SLC28A2: variants seen among roughly 807,000 people sequenced by gnomAD.
SLC28A2 encodes the protein solute carrier family 28 member 2.
Under a neutral mutation model 72.9 loss-of-function variants are expected in SLC28A2, and 69 were observed. The observed-to-expected ratio is 0.95, with a 90% CI of 0.78 to 1.16. The LOEUF (loss-of-function observed/expected upper bound fraction) is 1.16, where lower values mean the gene tolerates loss of function less well. Among genes scored for constraint, SLC28A2 ranks in the 50% most tolerant of loss-of-function variants. SLC28A2 has a pLI of 0.00. For synonymous variants in SLC28A2, 296 were observed against 294.1 expected (o/e 1.01, Z -0.07); for missense variants, 745 against 791.1 (o/e 0.94, Z 0.70).
intron 13 of SLC28A2, among the ~76,000 whole-genome samples, chr15:45,269,023 G>A (rs1438360304): frequency 1.7e-5 from 2 of 114,756 alleles, no homozygotes; most frequent in Non-Finnish European, 3.5e-5. Flanking sequence ...GTTGTGGGGT[G>A]GGGGGAGGGG....
chr15:45,261,205 G>T (rs1202875081), intron 3 of SLC28A2, among the ~76,000 whole-genome samples: 2 of 152,208 alleles, frequency 1.3e-5, no homozygotes, highest in East Asian at 1.9e-4. Flanking sequence ...AGCATACTTA[G>T]GAGTGGAAAA....
rs1900285802 is a variant in SLC28A2, at chr15:45,264,934, G to A, written c.703-155G>A. On this transcript the variant is annotated intron_variant, in intron 7 of 17. Transcript: ENST00000347644. ...ATACAGCTAAGAATATGAATAAAGA[G>A]CTCATGGGGACATAGCCTGCCCCTG... 6 of 734,910 alleles carry A rather than the reference G, an allele frequency of 8.2e-6. No homozygotes were observed. In the Admixed American group the frequency reaches 1.4e-4, roughly 17 times the overall value. 45.5% of individuals were successfully genotyped at this position (734,910 alleles called of 1,614,324 possible). A position where few individuals can be genotyped will look rare whatever the true frequency, so the allele number is the denominator to read the frequency against.
At chr15:45,272,250 C>A in intron 15 of SLC28A2, 45 bp from the exon 16 acceptor site, 1 of 1,532,182 alleles carries the variant, frequency 6.5e-7, no homozygotes. Context: ...TACCTGATTG[C>A]CTTGGTGGGG....
rs758052451 is a variant in SLC28A2 at position 45,272,716 on chromosome 15, C to A, written c.1791C>A (p.Ser597=). ...GGGGAGCTGAAGCTGACTGTGTCTC[C>A]TTCCCAAACACAAGTTTCACCAATA... The part of the protein sequence containing the change: ...VPRGAEADCV[S]FPNTSFTNRT... Residue 597 remains serine, a synonymous_variant, in exon 17 of 18, where the codon TCC becomes TCA. Coordinates refer to ENST00000347644, the MANE Select transcript of SLC28A2 (RefSeq NM_004212.4). 6.2e-7 allele frequency: 1 copy of A among 1,613,100 alleles called. No homozygotes were observed. The highest frequency in any genetic ancestry group is 2.2e-5 in the East Asian group (1 of 44,880).
At chr15:45,263,365 C>A in intron 5 of SLC28A2, 121 bp downstream of exon 5, 1 of 947,766 alleles carries the variant, frequency 1.1e-6, no homozygotes, top group Non-Finnish European at 1.5e-6. Flanking sequence ...AACCAAAGCG[C>A]AGAGAAAAAT....
Position 45,266,184 on chromosome 15 carries a change from G to A in SLC28A2, c.942+23G>A, listed in dbSNP as rs745603284. On this transcript the variant is annotated intron_variant, in intron 10 of 17. Transcript: ENST00000347644. ...ATGGTAAGCACCTTGAGGACTTTTG[G>A]TCTTCTTCCCTCTGAGGAACTGAGA... 4 of 1,546,284 alleles carry A rather than the reference G, an allele frequency of 2.6e-6. No individual in the cohort carries two copies. In the African/African-American group the frequency reaches 4.1e-5, roughly 16 times the overall value.
chr15:45,263,836 T>C (rs1900237982), intron 5 of SLC28A2, 45 bp from the exon 6 acceptor site: 1 of 1,567,390 alleles, frequency 6.4e-7, no homozygotes, highest in Non-Finnish European at 8.7e-7. Context: ...TTATTTGTTT[T>C]TCATTCACTG....
intron 16 of SLC28A2, 54 bp downstream of exon 16, chr15:45,272,447 GAAT>G: frequency 7.3e-7 from 1 of 1,367,182 alleles, no homozygotes; most frequent in Non-Finnish European, 1.0e-6. Flanking sequence ...ATGGTTGGAG[GAAT>G]AATATGAGGA....
chr15:45,257,361 C>A (rs1490953323), intron 3 of SLC28A2, among the ~76,000 whole-genome samples: 2 of 152,166 alleles, frequency 1.3e-5, no homozygotes, highest in African/African-American at 4.8e-5. Context: ...TATAGACTTA[C>A]ATGTATATTA....
At chr15:45,253,671 C>A in intron 3 of SLC28A2, 151 bp downstream of exon 3, 1 of 541,198 alleles carries the variant, frequency 1.8e-6, no homozygotes, top group South Asian at 2.8e-5. Context: ...AAACATGTGC[C>A]ATAAACTCCA....
rs549833736 is a variant in SLC28A2, at chr15:45,263,730, C to G, written c.447-151C>G. On this transcript the variant is annotated intron_variant, in intron 5 of 17. Transcript: ENST00000347644. ...AACTTACAGTCGTGTATATTCTGAA[C>G]TGGCGTCTACAGCAGCCACAGCTCT... is the stretch of plus-strand genomic sequence containing the variant. The G allele has an allele frequency of 3.4e-5, 20 of 593,010 alleles. No homozygotes were observed. In the South Asian group the frequency reaches 6.0e-4, roughly 18 times the overall value. The allele number at this position is 593,010 out of a possible 1,614,324, so 36.7% of individuals were successfully genotyped here. A position where few individuals can be genotyped will look rare whatever the true frequency, so the allele number is the denominator to read the frequency against.
intron 3 of SLC28A2, among the ~76,000 whole-genome samples, chr15:45,261,763 T>C (rs1336005928): frequency 1.3e-5 from 2 of 152,220 alleles, no homozygotes; most frequent in Non-Finnish European, 2.9e-5. Context: ...TACCCACTTC[T>C]ATGGTAGGAG....
intron 7 of SLC28A2, 141 bp downstream of exon 7, chr15:45,264,909 A>T: frequency 1.4e-6 from 1 of 731,574 alleles, no homozygotes; most frequent in Non-Finnish European, 2.4e-6. Flanking sequence ...GTGTACTAGG[A>T]TACAGCTAAG....
At chr15:45,257,694 C>CT (rs1193372729) in intron 3 of SLC28A2, among the ~76,000 whole-genome samples, 2 of 152,116 alleles carry the variant, frequency 1.3e-5, no homozygotes, top group Non-Finnish European at 2.9e-5. Flanking sequence ...TGACATGTAG[C>CT]TTTAAGCTGA....
intron 3 of SLC28A2, among the ~76,000 whole-genome samples, chr15:45,259,879 A>C (rs1900098229): frequency 6.6e-6 from 1 of 152,180 alleles, no homozygotes; most frequent in South Asian, 2.1e-4. Flanking sequence ...TAGGCATGCA[A>C]TTTGTATCTA....
At chr15:45,255,787 A>G (rs1899958976) in intron 3 of SLC28A2, among the ~76,000 whole-genome samples, 1 of 152,206 alleles carries the variant, frequency 6.6e-6, no homozygotes, top group Non-Finnish European at 1.5e-5. Context: ...TTAGAAAATG[A>G]TGAGTTTTTA....
chr15:45,266,197 T>C (rs573910070), intron 10 of SLC28A2, 36 bp downstream of exon 10: 3 of 1,412,912 alleles, frequency 2.1e-6, no homozygotes, highest in Admixed American at 1.7e-5. Flanking sequence ...TTCTTCCCTC[T>C]GAGGAACTGA....
intron 3 of SLC28A2, among the ~76,000 whole-genome samples, chr15:45,258,185 T>G (rs1304165910): frequency 6.6e-6 from 1 of 152,152 alleles, no homozygotes; most frequent in Non-Finnish European, 1.5e-5. Flanking sequence ...ATCATGTCAT[T>G]GCACTCCAGC....
chr15:45,268,192 T>G lies in SLC28A2; in HGVS notation c.1200-18T>G. 1.3e-6 allele frequency: 2 copies of G among 1,590,496 alleles called. No individual in the cohort carries two copies. The highest frequency in any genetic ancestry group is 2.2e-5 in the South Asian group (2 of 90,002). The stretch of plus-strand genomic sequence containing the variant: ...TGCTGTAGACACCCTACTCTTGCCC[T>G]CTGCCCAATAACCACAGGAAGGAGA... On this transcript the variant is annotated intron_variant, in intron 12 of 17. Transcript: ENST00000347644.
Sources: gnomAD v4.1 joint callset for allele counts (sites outside exome capture counted in the v4.1 genomes callset) on GRCh38, gnomAD v4.1.1 for gene constraint, MANE v1.5 for transcripts, NCBI Gene and HGNC (gene_info 2026-07-23, HGNC 2026-07-21) for gene names.